NSMAF: variants seen among roughly 807,000 people sequenced by gnomAD.
The protein encoded by NSMAF is protein FAN.
Under a neutral mutation model 134.9 loss-of-function variants are expected in NSMAF, and 90 were observed. That is an observed-to-expected ratio of 0.67 (90% confidence interval 0.56 to 0.79). NSMAF has a LOEUF of 0.79. NSMAF is among the 30% of genes least tolerant of loss of function. The pLI is 0.00. For synonymous variants in NSMAF, 358 were observed against 389.6 expected (o/e 0.92, Z 0.96); for missense variants, 1,010 against 1,119.0 (o/e 0.90, Z 1.39).
chr8:58,586,102 C>T (rs59030019), intron 28 of NSMAF, 102 bp from the exon 29 acceptor site: 15 of 904,486 alleles, frequency 1.7e-5, no homozygotes, highest in African/African-American at 1.1e-4. Flanking sequence ...TCTCCACATT[C>T]GTTTTCTTCA....
intron 1 of NSMAF, among the ~76,000 whole-genome samples, chr8:58,649,398 C>A (rs1807531368): frequency 6.6e-6 from 1 of 152,074 alleles, no homozygotes; most frequent in Non-Finnish European, 1.5e-5. Flanking sequence ...GGACTTTGGA[C>A]TTGATGTTGA....
At chr8:58,604,372 T>C (rs1806353523) in intron 12 of NSMAF, among the ~76,000 whole-genome samples, 1 of 151,936 alleles carries the variant, frequency 6.6e-6, no homozygotes, top group South Asian at 2.1e-4. Flanking sequence ...GATCTTTTTA[T>C]TGTAATCTTG....
At chr8:58,639,335 C>CAA (rs535843968) in intron 2 of NSMAF, among the ~76,000 whole-genome samples, 143 of 151,338 alleles carry the variant, frequency 9.4e-4, no homozygotes, top group African/African-American at 3.4e-3. Context: ...TACAAATGGC[C>CAA]AACAAGCATA....
intron 1 of NSMAF, among the ~76,000 whole-genome samples, chr8:58,651,692 G>A (rs1239157317): frequency 6.6e-6 from 1 of 152,188 alleles, no homozygotes. Flanking sequence ...GTTAAAGAAG[G>A]AAGTTCAGTT....
intron 9 of NSMAF, among the ~76,000 whole-genome samples, chr8:58,618,422 A>C (rs756332781): frequency 9.2e-5 from 14 of 151,944 alleles, no homozygotes; most frequent in Non-Finnish European, 1.8e-4. Flanking sequence ...TATGAGATAT[A>C]TTATGGAATT....
intron 1 of NSMAF, among the ~76,000 whole-genome samples, chr8:58,652,612 T>C (rs1401330146): frequency 6.6e-6 from 1 of 152,172 alleles, no homozygotes; most frequent in Non-Finnish European, 1.5e-5. Flanking sequence ...AAGTCTGAAG[T>C]TGGCCCAGCC....
rs980715804 is a variant in NSMAF, at chr8:58,630,014, C to T, written c.384+1482G>A. Among the ~76,000 whole-genome samples, 6 of 152,320 alleles carry T rather than the reference C, an allele frequency of 3.9e-5. No individual in the cohort carries two copies. In the East Asian group the frequency reaches 1.2e-3, roughly 29 times the overall value. On this transcript the variant is annotated intron_variant, in intron 6 of 30. Coordinates refer to ENST00000038176, the MANE Select transcript of NSMAF (RefSeq NM_003580.4). ...GGGCAGCTCCCCTGAAAAGTCAGAACTCTGGATGTATAGTCCAATTTTCTC... is the reference window on the plus strand; with the variant it reads ...GGGCAGCTCCCCTGAAAAGTCAGAATTCTGGATGTATAGTCCAATTTTCTC...
chr8:58,658,665 C>A (rs368610248), intron 1 of NSMAF, among the ~76,000 whole-genome samples: 2 of 152,196 alleles, frequency 1.3e-5, no homozygotes, highest in South Asian at 4.1e-4. Context: ...AATGATTCAG[C>A]CCCCCTTTCC....
Position 58,594,252 on chromosome 8 carries a change from G to A in NSMAF, c.1931C>T (p.Ser644Leu), listed in dbSNP as rs1806082827. 6.2e-7 allele frequency: 1 copy of A among 1,614,076 alleles called. No individual in the cohort carries two copies. Among genetic ancestry groups the A allele is most frequent in the African/African-American group, 1.3e-5 (1 of 74,916 alleles). ...TGITVSRNGS[S>L]VFTTSQDSTL... is the part of the protein sequence containing the mutation. ...CTGACCTTGGGATGTTGTGAATACTGAAGATCCATTGCGAGAGACCGTGAT... is the reference window on the plus strand; with the variant it reads ...CTGACCTTGGGATGTTGTGAATACTAAAGATCCATTGCGAGAGACCGTGAT... Residue 644 changes from serine to leucine, a missense_variant, in exon 23 of 31, where the codon TCA (serine) becomes TTA (leucine). By Grantham distance (145) the Ser-to-Leu change is moderately radical. Coordinates refer to ENST00000038176, the MANE Select transcript of NSMAF (RefSeq NM_003580.4).
intron 1 of NSMAF, among the ~76,000 whole-genome samples, chr8:58,648,924 G>A (rs1282933981): frequency 1.3e-5 from 2 of 152,228 alleles, no homozygotes; most frequent in Non-Finnish European, 2.9e-5. Flanking sequence ...GGGAAAAGTG[G>A]GCTGGAGTCC....
In NSMAF at chr8:58,643,001, C is replaced by T. The variant is rs1807370336; in HGVS notation, c.132G>A (p.Lys44=). The T allele has an allele frequency of 6.2e-7, 1 of 1,613,552 alleles. No homozygotes were observed. The highest frequency in any genetic ancestry group is 1.7e-5 in the Admixed American group (1 of 60,012). ...TTCCTTACCTTTCATGGTGACTGCCCTTGTGCAAAATGTGATTGGCTCTAT... is the reference window on the plus strand; with the variant it reads ...TTCCTTACCTTTCATGGTGACTGCCTTTGTGCAAAATGTGATTGGCTCTAT... ...EQHRANHILH[K]GSHHERKIRG... The change falls in exon 2 of 31, where the codon AAG becomes AAA. Residue 44 remains lysine, a synonymous_variant. Transcript: ENST00000038176.
chr8:58,650,006 T>G (rs1234591599), intron 1 of NSMAF, among the ~76,000 whole-genome samples: 1 of 152,224 alleles, frequency 6.6e-6, no homozygotes, highest in Non-Finnish European at 1.5e-5. Context: ...TCAGCACCTT[T>G]CAAAGTTCCT....
intron 1 of NSMAF, among the ~76,000 whole-genome samples, chr8:58,648,066 T>A (rs1222536372): frequency 6.6e-6 from 1 of 152,094 alleles, no homozygotes; most frequent in Non-Finnish European, 1.5e-5. Context: ...ACAGTGAAGG[T>A]CAGGCTGACA....
At chr8:58,609,839 C>T in intron 9 of NSMAF, 106 bp from the exon 10 acceptor site, 8 of 999,508 alleles carry the variant, frequency 8.0e-6, no homozygotes, top group South Asian at 3.2e-5. Context: ...TTTGTCTAAA[C>T]ACTACATTTA....
At chr8:58,654,741 C>T (rs1807664611) in intron 1 of NSMAF, among the ~76,000 whole-genome samples, 1 of 152,170 alleles carries the variant, frequency 6.6e-6, no homozygotes, top group Non-Finnish European at 1.5e-5. Context: ...TTACAAAGCA[C>T]AATTAAGAAT....
At chr8:58,601,095 C>A in intron 16 of NSMAF, 190 bp downstream of exon 16, 1 of 479,358 alleles carries the variant, frequency 2.1e-6, no homozygotes, top group Non-Finnish European at 3.7e-6. Context: ...AAAAGCTGTA[C>A]ATAAAATATG....
chr8:58,610,176 A>C (rs1806495853), intron 9 of NSMAF, among the ~76,000 whole-genome samples: 1 of 152,224 alleles, frequency 6.6e-6, no homozygotes, highest in Admixed American at 6.5e-5. Context: ...CTTGAATTAT[A>C]ATACATTTGA....
At chr8:58,591,875 A>G (rs1806029802) in intron 23 of NSMAF, among the ~76,000 whole-genome samples, 2 of 152,112 alleles carry the variant, frequency 1.3e-5, no homozygotes, top group Admixed American at 1.3e-4. Context: ...GTAACAATCT[A>G]TTTTCTAACT....
chr8:58,594,158 C>T (rs1585728037), intron 23 of NSMAF, 74 bp downstream of exon 23: 1 of 1,328,856 alleles, frequency 7.5e-7, no homozygotes, highest in East Asian at 2.3e-5. Flanking sequence ...CAGTCCTTGA[C>T]CACGAGCTAA....
Sources: gnomAD v4.1 joint callset for allele counts (sites outside exome capture counted in the v4.1 genomes callset) on GRCh38, gnomAD v4.1.1 for gene constraint, MANE v1.5 for transcripts, NCBI Gene and HGNC (gene_info 2026-07-23, HGNC 2026-07-21) for gene names.